CDC14A: variants seen among roughly 807,000 people sequenced by gnomAD.
The protein encoded by CDC14A is dual specificity protein phosphatase CDC14A.
Under a neutral mutation model 74.4 loss-of-function variants are expected in CDC14A, and 53 were observed. The observed-to-expected ratio is 0.71, with a 90% CI of 0.57 to 0.89. The LOEUF (loss-of-function observed/expected upper bound fraction) is 0.89, where lower values mean the gene tolerates loss of function less well. Among genes scored for constraint, CDC14A ranks in the 40% least tolerant of loss-of-function variants. The pLI is 0.00. For missense variants in CDC14A, 646 were observed against 713.7 expected, an observed-to-expected ratio of 0.91 and a Z score of 1.08; for synonymous variants, 247 against 258.4, an observed-to-expected ratio of 0.96 and a Z score of 0.43.
At chr1:100,491,923 G>A (rs571597875) in intron 11 of CDC14A, among the ~76,000 whole-genome samples, 1 of 149,392 alleles carries the variant, frequency 6.7e-6, no homozygotes, top group South Asian at 2.1e-4. Context: ...CGTCACCACC[G>A]CAGCCACCCG....
chr1:100,461,470 C>T (rs1667307931), intron 8 of CDC14A, among the ~76,000 whole-genome samples: 1 of 152,246 alleles, frequency 6.6e-6, no homozygotes. Context: ...AACCTCCCAT[C>T]ATGAATGGGT....
intron 7 of CDC14A, among the ~76,000 whole-genome samples, chr1:100,451,980 C>T (rs965835085): frequency 6.6e-6 from 1 of 152,130 alleles, no homozygotes; most frequent in Non-Finnish European, 1.5e-5. Context: ...ATAATAAAGG[C>T]TCAGCAAATG....
intron 4 of CDC14A, among the ~76,000 whole-genome samples, chr1:100,416,606 G>A (rs1370466902): frequency 6.6e-6 from 1 of 152,094 alleles, no homozygotes; most frequent in Non-Finnish European, 1.5e-5. Flanking sequence ...ATACATAGAC[G>A]GGCTTTAGGG....
At chr1:100,491,907 C>T (rs375504904) in intron 11 of CDC14A, among the ~76,000 whole-genome samples, 1 of 149,970 alleles carries the variant, frequency 6.7e-6, no homozygotes, top group Non-Finnish European at 1.5e-5. Flanking sequence ...CCTCTGCCCT[C>T]GTGGTCGTCA....
chr1:100,493,267 G>A (rs1047263084), intron 11 of CDC14A, among the ~76,000 whole-genome samples: 1 of 152,154 alleles, frequency 6.6e-6, no homozygotes, highest in East Asian at 1.9e-4. Flanking sequence ...GGTCCTCCTA[G>A]AAGCTTTCTT....
intron 3 of CDC14A, among the ~76,000 whole-genome samples, chr1:100,380,825 A>G (rs138221359): frequency 3.8e-3 from 581 of 152,260 alleles, no homozygotes; most frequent in African/African-American, 0.013. Context: ...TTACTCTACC[A>G]TACCAGCTGT....
chr1:100,388,812 A>C (rs1657236468), intron 3 of CDC14A, among the ~76,000 whole-genome samples: 1 of 152,064 alleles, frequency 6.6e-6, no homozygotes, highest in African/African-American at 2.4e-5. Context: ...TGGCCTCTCA[A>C]AGTGTTGGAA....
chr1:100,395,206 A>AT (rs1200233128), intron 4 of CDC14A, among the ~76,000 whole-genome samples: 1 of 152,218 alleles, frequency 6.6e-6, no homozygotes, highest in African/African-American at 2.4e-5. Flanking sequence ...AATTTGGATA[A>AT]TACCTGAGTT....
intron 10 of CDC14A, among the ~76,000 whole-genome samples, chr1:100,472,628 A>G (rs1571282277): frequency 6.6e-6 from 1 of 150,838 alleles, no homozygotes; most frequent in Middle Eastern, 3.4e-3. Context: ...ATTGTCTGAG[A>G]CTCTTAGTTT....
intron 11 of CDC14A, among the ~76,000 whole-genome samples, chr1:100,491,058 T>C (rs1670563420): frequency 1.3e-5 from 2 of 152,144 alleles, no homozygotes; most frequent in South Asian, 4.1e-4. Flanking sequence ...ACCATGTATA[T>C]ATAAGAGTAT....
intron 11 of CDC14A, among the ~76,000 whole-genome samples, chr1:100,490,866 A>AT (rs1184279577): frequency 1.3e-5 from 2 of 152,236 alleles, no homozygotes; most frequent in African/African-American, 2.4e-5. Context: ...TGCCTATCAA[A>AT]TGTATTAAAA....
At chr1:100,500,759 A>G (rs1286136947) in intron 15 of CDC14A, among the ~76,000 whole-genome samples, 2 of 150,370 alleles carry the variant, frequency 1.3e-5, no homozygotes, top group Non-Finnish European at 3.0e-5. Flanking sequence ...AAAAAAAAAA[A>G]AAAAAAAAAA....
chr1:100,469,425 G>A (rs556246087), intron 10 of CDC14A, among the ~76,000 whole-genome samples: 9 of 152,276 alleles, frequency 5.9e-5, no homozygotes, highest in Admixed American at 2.0e-4. Context: ...CTTTTTACCC[G>A]TGAGGTACAA....
At chr1:100,371,260 G>T (rs1355798809) in intron 2 of CDC14A, among the ~76,000 whole-genome samples, 1 of 152,144 alleles carries the variant, frequency 6.6e-6, no homozygotes, top group Non-Finnish European at 1.5e-5. Flanking sequence ...GAGATAGTTT[G>T]ACTTATTTTC....
chr1:100,351,991 TGTGTGTGTGTGTGC>T (rs1199060265), upstream of CDC14A, among the ~76,000 whole-genome samples: 932 of 138,672 alleles, frequency 6.7e-3, 7 homozygotes, highest in African/African-American at 0.028. Flanking sequence ...TGTGTGTGTG[TGTGTGTGTGTGTGC>T]GCGCGCGCGC....
chr1:100,369,187 C>T (rs1278485759), intron 2 of CDC14A, among the ~76,000 whole-genome samples: 1 of 151,906 alleles, frequency 6.6e-6, no homozygotes, highest in Non-Finnish European at 1.5e-5. Context: ...AGCAATTTTC[C>T]TGCCTCTGCC....
At chr1:100,378,448 G>A (rs978142601) in intron 3 of CDC14A, among the ~76,000 whole-genome samples, 8 of 152,140 alleles carry the variant, frequency 5.3e-5, no homozygotes, top group African/African-American at 1.7e-4. Context: ...TGCTCTTTCT[G>A]CTGGGTAAAA....
In CDC14A at chr1:100,359,862, T is replaced by C. The variant is rs375138506; in HGVS notation, c.140+6010T>C. ...TTACTTTCTAAAAGATGGTAGTTTATAGTTTCTTCCCCCCTTTTTCTTCTC... is the reference window on the plus strand; with the variant it reads ...TTACTTTCTAAAAGATGGTAGTTTACAGTTTCTTCCCCCCTTTTTCTTCTC... On this transcript the variant is annotated intron_variant, in intron 2 of 15. Coordinates refer to ENST00000336454, the MANE Select transcript of CDC14A (RefSeq NM_003672.4). Among the ~76,000 whole-genome samples, 73 of 152,010 alleles carry C rather than the reference T, an allele frequency of 4.8e-4. 2 individuals are homozygous for C. In the East Asian group the frequency reaches 0.012, roughly 24 times the overall value.
intron 3 of CDC14A, among the ~76,000 whole-genome samples, chr1:100,378,895 A>T (rs1571002833): frequency 6.6e-6 from 1 of 152,220 alleles, no homozygotes; most frequent in Non-Finnish European, 1.5e-5. Context: ...AGAAAGTAAA[A>T]TAGAGGTTTT....
Sources: allele counts gnomAD v4.1 joint callset (sites outside exome capture counted in the v4.1 genomes callset), GRCh38; gene constraint gnomAD v4.1.1; transcripts MANE v1.5; gene names NCBI Gene and HGNC (gene_info 2026-07-23, HGNC 2026-07-21).